RALYL: variants seen among roughly 807,000 people sequenced by gnomAD.
RALYL encodes RALY RNA binding protein like.
Under a neutral mutation model 35.1 loss-of-function variants are expected in RALYL, and 29 were observed. That is an observed-to-expected ratio of 0.83 (90% CI 0.61 to 1.13). The LOEUF (loss-of-function observed/expected upper bound fraction) is 1.13. Among genes scored for constraint, RALYL ranks in the 50% most tolerant of loss-of-function variants. RALYL has a pLI of 0.00. For missense variants in RALYL, 359 were observed against 360.4 expected, an observed-to-expected ratio of 1.00 and a Z score of 0.03; for synonymous variants, 120 against 127.6, an observed-to-expected ratio of 0.94 and a Z score of 0.40.
At chr8:84,452,103 C>T (rs1157909866) in intron 1 of RALYL, among the ~76,000 whole-genome samples, 2 of 151,962 alleles carry the variant, frequency 1.3e-5, no homozygotes, top group Non-Finnish European at 2.9e-5. Context: ...GGCAGTGTGA[C>T]TCTTTTTCTT....
intron 4 of RALYL, among the ~76,000 whole-genome samples, chr8:84,828,393 G>A (rs2134341087): frequency 6.6e-6 from 1 of 151,950 alleles, no homozygotes; most frequent in South Asian, 2.1e-4. Flanking sequence ...TAAATTCACA[G>A]CATATCCCAT....
intron 1 of RALYL, among the ~76,000 whole-genome samples, chr8:84,526,964 A>G (rs2058948342): frequency 6.6e-6 from 1 of 152,132 alleles, no homozygotes; most frequent in Non-Finnish European, 1.5e-5. Context: ...TAATTTAGTC[A>G]CTGTTACTCC....
intron 1 of RALYL, among the ~76,000 whole-genome samples, chr8:84,311,232 A>T (rs2129894704): frequency 6.6e-6 from 1 of 151,922 alleles, no homozygotes; most frequent in South Asian, 2.1e-4. Flanking sequence ...CATTGAATTC[A>T]GAATTAAAGC....
At chr8:84,295,500 A>G (rs555112424) in intron 1 of RALYL, among the ~76,000 whole-genome samples, 2 of 152,018 alleles carry the variant, frequency 1.3e-5, no homozygotes, top group Non-Finnish European at 2.9e-5. Context: ...GAGTCTTGCT[A>G]TGTTGCCCAG....
chr8:84,434,611 C>G (rs766988488), intron 1 of RALYL, among the ~76,000 whole-genome samples: 1 of 152,040 alleles, frequency 6.6e-6, no homozygotes, highest in Non-Finnish European at 1.5e-5. Flanking sequence ...TCTTTAAAAG[C>G]AAACTTAAAG....
intron 2 of RALYL, among the ~76,000 whole-genome samples, chr8:84,631,705 A>G (rs1823949824): frequency 6.6e-6 from 1 of 151,954 alleles, no homozygotes; most frequent in Non-Finnish European, 1.5e-5. Context: ...GGTCAGGAAC[A>G]GAGTCTTGGG....
At chr8:84,480,496 C>T (rs2053930488) in intron 1 of RALYL, among the ~76,000 whole-genome samples, 1 of 152,136 alleles carries the variant, frequency 6.6e-6, no homozygotes, top group African/African-American at 2.4e-5. Context: ...TAATTAAGGA[C>T]TTCTGTGCGT....
intron 1 of RALYL, among the ~76,000 whole-genome samples, chr8:84,312,655 G>A (rs1326513483): frequency 6.6e-6 from 1 of 152,230 alleles, no homozygotes; most frequent in African/African-American, 2.4e-5. Flanking sequence ...TGGACCCCGT[G>A]TCTCACACCC....
chr8:84,905,789 C>T lies in RALYL; in HGVS notation c.859-15105C>T, dbSNP rs114725912. Among the ~76,000 whole-genome samples the T allele has an allele frequency of 4.1e-3, 622 of 151,504 alleles. 4 individuals carry two copies. Among genetic ancestry groups the T allele is most frequent in the African/African-American group, 0.014 (592 of 41,260 alleles). Reference sequence around the variant, plus strand: ...TCAGCTCACTGCAACCTCTGCCTCCCGGGTTCAAGCAATTATGCATACTAT... The same window carrying T: ...TCAGCTCACTGCAACCTCTGCCTCCTGGGTTCAAGCAATTATGCATACTAT... On this transcript the variant is annotated intron_variant, in intron 8 of 8. Transcript: ENST00000521268.
At chr8:84,439,145 AAT>A (rs777853648) in intron 1 of RALYL, among the ~76,000 whole-genome samples, 29 of 151,986 alleles carry the variant, frequency 1.9e-4, no homozygotes, top group Middle Eastern at 3.4e-3. Context: ...GTTTGACAGG[AAT>A]AGTGTTGAAT....
chr8:84,737,405 T>C (rs574261308), intron 2 of RALYL, among the ~76,000 whole-genome samples: 1 of 152,106 alleles, frequency 6.6e-6, no homozygotes, highest in Non-Finnish European at 1.5e-5. Flanking sequence ...AATGGAGATA[T>C]TTTAGATTAC....
At chr8:84,741,402 C>T (rs1458014521) in intron 2 of RALYL, among the ~76,000 whole-genome samples, 5 of 151,976 alleles carry the variant, frequency 3.3e-5, no homozygotes, top group African/African-American at 1.2e-4. Context: ...ATAAATAATG[C>T]AAATATATTT....
intron 2 of RALYL, among the ~76,000 whole-genome samples, chr8:84,673,690 G>A (rs574379591): frequency 3.3e-5 from 5 of 152,150 alleles, no homozygotes; most frequent in Admixed American, 6.6e-5. Flanking sequence ...ATAATTGTAG[G>A]TGCACAGTCT....
intron 2 of RALYL, among the ~76,000 whole-genome samples, chr8:84,588,382 G>C (rs1588365280): frequency 2.0e-5 from 3 of 152,188 alleles, no homozygotes; most frequent in Non-Finnish European, 4.4e-5. Context: ...TAATAAGGCA[G>C]AAAGAAGCCA....
intron 1 of RALYL, among the ~76,000 whole-genome samples, chr8:84,352,849 C>T (rs1175141508): frequency 6.7e-6 from 1 of 150,142 alleles, no homozygotes; most frequent in Admixed American, 6.6e-5. Context: ...AGCATTTGAA[C>T]ATTGAGCTCT....
chr8:84,433,254 A>G (rs1397050748), intron 1 of RALYL, among the ~76,000 whole-genome samples: 2 of 152,162 alleles, frequency 1.3e-5, no homozygotes, highest in East Asian at 3.9e-4. Flanking sequence ...AGCCAGTAGC[A>G]CATTCACTCC....
At chr8:84,720,072 G>C (rs60013002) in intron 2 of RALYL, among the ~76,000 whole-genome samples, 9,449 of 152,052 alleles carry the variant, frequency 0.062, 677 homozygotes, top group African/African-American at 0.17. Context: ...GTTCATGCAT[G>C]TTGTCACAAA....
intron 1 of RALYL, among the ~76,000 whole-genome samples, chr8:84,250,573 A>G (rs1484501941): frequency 6.6e-6 from 1 of 152,066 alleles, no homozygotes; most frequent in Non-Finnish European, 1.5e-5. Context: ...TTTGATTGGT[A>G]TATTAATTAT....
intron 2 of RALYL, among the ~76,000 whole-genome samples, chr8:84,746,602 T>C (rs1204957588): frequency 6.6e-6 from 1 of 151,980 alleles, no homozygotes; most frequent in Non-Finnish European, 1.5e-5. Flanking sequence ...GAAATACATA[T>C]TTTCTCGTAA....
Sources: allele counts gnomAD v4.1 joint callset (sites outside exome capture counted in the v4.1 genomes callset), GRCh38; gene constraint gnomAD v4.1.1; transcripts MANE v1.5; gene names NCBI Gene and HGNC (gene_info 2026-07-23, HGNC 2026-07-21).